Variants in RWDD4 observed in about 807,000 individuals in gnomAD.
The protein encoded by RWDD4 is RWD domain-containing protein 4.
A neutral mutation model predicts 30.0 loss-of-function variants in RWDD4; 16 were observed. That is an observed-to-expected ratio of 0.53 (90% CI 0.36 to 0.81). The LOEUF (loss-of-function observed/expected upper bound fraction) is 0.81, where lower values mean the gene tolerates loss of function less well. Ranked by LOEUF, RWDD4 falls within the 30% of genes least tolerant of loss-of-function variation. The probability of loss-of-function intolerance (pLI) is 0.00; values close to 1 mark genes in which losing one functional copy is unlikely to be tolerated. For missense variants in RWDD4, 170 were observed against 223.9 expected (o/e 0.76, Z 1.54); for synonymous variants, 45 against 72.1 (o/e 0.62, Z 1.90).
chr4:183,642,748 G>A (rs1242983684), intron 7 of RWDD4, among the ~76,000 whole-genome samples: 4 of 151,984 alleles, frequency 2.6e-5, no homozygotes, highest in Non-Finnish European at 5.9e-5. Flanking sequence ...TCTGGAAAAC[G>A]CCAGAGAAGT....
intron 5 of RWDD4, among the ~76,000 whole-genome samples, chr4:183,648,417 C>T (rs888882107): frequency 1.6e-4 from 24 of 152,226 alleles, no homozygotes; most frequent in African/African-American, 5.8e-4. Flanking sequence ...AGTTTACAGA[C>T]TGTTATCAAT....
In RWDD4 at chr4:183,659,090, G is replaced by A. The variant is rs985272232; in HGVS notation, c.-138C>T. 1.0e-5 allele frequency: 6 copies of A among 596,218 alleles called. No homozygotes were observed. Among genetic ancestry groups the A allele is most frequent in the Admixed American group, 4.4e-5 (1 of 22,744 alleles). 36.9% of individuals were successfully genotyped at this position (596,218 alleles called of 1,614,324 possible). A position where few individuals can be genotyped will look rare whatever the true frequency, so the allele number is the denominator to read the frequency against. ...CGGCACAGTCTTGGCACTGGCAGAC[G>A]CCAACTGCGCGCGCCCCGAGCCTCG... On this transcript the variant is annotated 5_prime_UTR_variant, in exon 1 of 8. Transcript: ENST00000326397.
intron 1 of RWDD4, 29 bp downstream of exon 1, chr4:183,658,899 TG>T: frequency 8.0e-7 from 1 of 1,249,752 alleles, no homozygotes; most frequent in Non-Finnish European, 1.0e-6. Context: ...GCGCCCGCGC[TG>T]GGAGAGGGCC....
intron 7 of RWDD4, among the ~76,000 whole-genome samples, chr4:183,644,405 C>G (rs7436054): frequency 0.6 from 91,263 of 152,124 alleles, 28,113 homozygotes; most frequent in African/African-American, 0.73. Flanking sequence ...TAGTTACTAG[C>G]AGCACTAAGA....
chr4:183,649,562 T>A lies in RWDD4; in HGVS notation c.370A>T (p.Ile124Leu). 1 of 1,508,512 alleles carries A rather than the reference T, an allele frequency of 6.6e-7. No individual in the cohort carries two copies. The highest frequency in any genetic ancestry group is 9.1e-7 in the Non-Finnish European group (1 of 1,100,362). 93.4% of individuals were successfully genotyped at this position (1,508,512 alleles called of 1,614,324 possible). A position where few individuals can be genotyped will look rare whatever the true frequency, so the allele number is the denominator to read the frequency against. Residue 124 changes from isoleucine to leucine, a missense_variant, in exon 5 of 8, where the codon ATA becomes TTA. Physicochemically the swap from Ile to Leu is conservative, Grantham distance 5. Transcript: ENST00000326397. ...NHNPINSATS[I>L]SNIISIETPN... is the part of the protein sequence containing the mutation. The stretch of plus-strand genomic sequence containing the variant: ...GTTTCAATTGAGATGATATTGCTTA[T>A]CGATGTCTAAAAAAAAAAAGAAATA...
chr4:183,643,331 G>A (rs1406063594), intron 7 of RWDD4, among the ~76,000 whole-genome samples: 2 of 133,750 alleles, frequency 1.5e-5, no homozygotes, highest in Non-Finnish European at 1.5e-5. Flanking sequence ...TAGAAGAATC[G>A]CTTGAACCTG....
chr4:183,644,788 AG>A (rs1733935561), intron 7 of RWDD4, among the ~76,000 whole-genome samples: 1 of 135,826 alleles, frequency 7.4e-6, no homozygotes, highest in East Asian at 1.9e-4. Context: ...AAAAAAAAAA[AG>A]AAAAGAAAAG....
rs1734314509 is a variant in RWDD4 at position 183,659,141 on chromosome 4, C to A, written c.-189G>T. The stretch of plus-strand genomic sequence containing the variant: ...GCAGCGCCCAGCCGCCGGCAGTGGG[C>A]TGTGGGCTACGAGCCGGAGCCGCGG... On this transcript the variant is annotated 5_prime_UTR_variant, in exon 1 of 8. Coordinates refer to ENST00000326397, the MANE Select transcript of RWDD4 (RefSeq NM_152682.4). 2.4e-6 allele frequency: 1 copy of A among 419,694 alleles called. No homozygotes were observed. The highest frequency in any genetic ancestry group is 2.0e-5 in the African/African-American group (1 of 48,866). The allele number at this position is 419,694 out of a possible 1,614,324, so 26.0% of individuals were successfully genotyped here.
At chr4:183,653,107 A>T (rs145589665) in intron 2 of RWDD4, among the ~76,000 whole-genome samples, 305 of 152,290 alleles carry the variant, frequency 2.0e-3, no homozygotes, top group African/African-American at 6.9e-3. Flanking sequence ...TTCAAATTAA[A>T]CATTTTTGGT....
chr4:183,655,283 C>T (rs1227741664), intron 2 of RWDD4, among the ~76,000 whole-genome samples: 1 of 151,188 alleles, frequency 6.6e-6, no homozygotes, highest in African/African-American at 2.5e-5. Flanking sequence ...GACTTATTTA[C>T]AAAATAAAAT....
chr4:183,658,366 A>G (rs556779809), intron 1 of RWDD4, among the ~76,000 whole-genome samples: 1 of 152,296 alleles, frequency 6.6e-6, no homozygotes, highest in Non-Finnish European at 1.5e-5. Context: ...ATATGATTCA[A>G]TGTCAAAATG....
chr4:183,645,901 T>C (rs1159455747), intron 7 of RWDD4, among the ~76,000 whole-genome samples: 5 of 152,270 alleles, frequency 3.3e-5, no homozygotes, highest in Admixed American at 2.6e-4. Flanking sequence ...TTATCTTTTC[T>C]TTTCTTTTTC....
chr4:183,644,854 T>C (rs1445730682), intron 7 of RWDD4, among the ~76,000 whole-genome samples: 1 of 152,002 alleles, frequency 6.6e-6, no homozygotes, highest in African/African-American at 2.4e-5. Flanking sequence ...CCCAGTACTT[T>C]GGGAGGCCAA....
intron 2 of RWDD4, among the ~76,000 whole-genome samples, chr4:183,652,929 G>A (rs1209353356): frequency 6.6e-6 from 1 of 152,020 alleles, no homozygotes; most frequent in Non-Finnish European, 1.5e-5. Context: ...TTCCTATGTT[G>A]CCCAGGCTGG....
intron 7 of RWDD4, among the ~76,000 whole-genome samples, chr4:183,645,852 A>G (rs1733956297): frequency 6.6e-6 from 1 of 152,122 alleles, no homozygotes; most frequent in South Asian, 2.1e-4. Context: ...CAGTTTCCAT[A>G]TATTGTTGAT....
At chr4:183,645,637 C>T (rs1201994406) in intron 7 of RWDD4, among the ~76,000 whole-genome samples, 1 of 150,608 alleles carries the variant, frequency 6.6e-6, no homozygotes, top group Non-Finnish European at 1.5e-5. Flanking sequence ...GGCATGGTGG[C>T]ACATGCCTTT....
At chr4:183,655,263 AG>A (rs1293185828) in intron 2 of RWDD4, among the ~76,000 whole-genome samples, 1 of 151,962 alleles carries the variant, frequency 6.6e-6, no homozygotes, top group African/African-American at 2.4e-5. Context: ...TTTGAATAAA[AG>A]GTTTATATGA....
chr4:183,646,710 T>C (rs1031512351), intron 5 of RWDD4, among the ~76,000 whole-genome samples, 173 bp from the exon 6 acceptor site: 10 of 152,228 alleles, frequency 6.6e-5, no homozygotes, highest in Admixed American at 1.3e-4. Context: ...CTAGGAATAC[T>C]TGCAAAATAT....
intron 7 of RWDD4, among the ~76,000 whole-genome samples, chr4:183,642,528 GC>G (rs1733880443): frequency 1.3e-5 from 2 of 152,056 alleles, no homozygotes; most frequent in Non-Finnish European, 2.9e-5. Flanking sequence ...AAGACAGCTG[GC>G]TTCTCACAAA....
Sources: allele counts gnomAD v4.1 joint callset (sites outside exome capture counted in the v4.1 genomes callset), GRCh38; gene constraint gnomAD v4.1.1; transcripts MANE v1.5; gene names NCBI Gene and HGNC (gene_info 2026-07-23, HGNC 2026-07-21).